The following PPP1R9A variants were observed in gnomAD, a reference collection of about 807,000 sequenced individuals.
PPP1R9A encodes the protein neurabin-1.
In PPP1R9A, 59 loss-of-function variants were observed where a neutral mutation model predicts 141.9. The observed-to-expected ratio is 0.42, with a 90% confidence interval of 0.34 to 0.52. The LOEUF (loss-of-function observed/expected upper bound fraction) is 0.52. PPP1R9A is among the 20% of genes least tolerant of loss of function. PPP1R9A has a pLI of 0.10. For missense variants in PPP1R9A, 1,444 were observed against 1,611.9 expected (o/e 0.90, Z 1.78); for synonymous variants, 500 against 569.7 (o/e 0.88, Z 1.74).
intron 4 of PPP1R9A, chr7:95,155,899 A>G (rs1424396229): frequency 6.6e-6 from 1 of 152,232 alleles, no homozygotes; most frequent in Non-Finnish European, 1.5e-5. Flanking sequence ...AGTTGAAAAT[A>G]TTAGAATTTT....
intron 2 of PPP1R9A, among the ~76,000 whole-genome samples, chr7:94,956,273 G>T (rs929960071): frequency 1.3e-5 from 2 of 151,980 alleles, no homozygotes; most frequent in African/African-American, 4.8e-5. Flanking sequence ...TCTTTTTATT[G>T]TAAACATATT....
At chr7:95,249,442 G>A (rs67465956) in intron 9 of PPP1R9A, among the ~76,000 whole-genome samples, 20,004 of 152,060 alleles carry the variant, frequency 0.13, 1,506 homozygotes, top group African/African-American at 0.18. Context: ...ATTCTGATGT[G>A]TTATATCACA....
intron 2 of PPP1R9A, among the ~76,000 whole-genome samples, chr7:94,990,581 T>C (rs563688311): frequency 4.6e-5 from 7 of 152,262 alleles, no homozygotes; most frequent in Non-Finnish European, 1.0e-4. Context: ...TCTTTCTAGC[T>C]ATATGAAACT....
intron 2 of PPP1R9A, among the ~76,000 whole-genome samples, chr7:95,101,009 C>T (rs1446280277): frequency 9.9e-5 from 15 of 151,256 alleles, no homozygotes; most frequent in African/African-American, 3.6e-4. Flanking sequence ...CCCGCTACCA[C>T]GCCCGGCTAA....
chr7:94,976,084 A>G (rs1799417277), intron 2 of PPP1R9A, among the ~76,000 whole-genome samples: 1 of 152,110 alleles, frequency 6.6e-6, no homozygotes, highest in Non-Finnish European at 1.5e-5. Context: ...GCCAGCATTG[A>G]TTAACAGAGT....
Position 95,284,113 on chromosome 7 carries a change from A to T in PPP1R9A, c.3392A>T (p.Asn1131Ile), listed in dbSNP as rs766951304. ...RSPCMPFSWF[N>I]DSRKGSYSFR... ...CCTTGCATGCCTTTCTCATGGTTTA[A>T]TGACAGCCGGAAAGGATCCTATTCC... Residue 1131 changes from asparagine (N) to isoleucine (I), a missense_variant, in exon 17 of 20, where the codon AAT (asparagine) becomes ATT (isoleucine). Coordinates refer to ENST00000433360, the MANE Select transcript of PPP1R9A (RefSeq NM_001166160.2). The T allele has an allele frequency of 1.9e-6, 3 of 1,592,612 alleles. No homozygotes were observed. In the South Asian group the frequency reaches 3.3e-5, roughly 18 times the overall value.
chr7:94,979,269 T>G (rs73425011), intron 2 of PPP1R9A, among the ~76,000 whole-genome samples: 3,796 of 152,308 alleles, frequency 0.025, 172 homozygotes, highest in African/African-American at 0.087. Flanking sequence ...CCAGATTACA[T>G]TTTTAGTTTT....
At chr7:95,116,646 G>T (rs1245503931) in intron 3 of PPP1R9A, among the ~76,000 whole-genome samples, 2 of 152,150 alleles carry the variant, frequency 1.3e-5, no homozygotes, top group African/African-American at 4.8e-5. Context: ...ACAAAGTTGG[G>T]TTGGGAGAGG....
intron 2 of PPP1R9A, among the ~76,000 whole-genome samples, chr7:94,917,475 T>A (rs999728610): frequency 6.6e-6 from 1 of 152,146 alleles, no homozygotes; most frequent in African/African-American, 2.4e-5. Context: ...GATGCAGTCA[T>A]GGCTCACTGC....
chr7:95,198,696 G>A (rs927883650), intron 6 of PPP1R9A, among the ~76,000 whole-genome samples: 1 of 151,994 alleles, frequency 6.6e-6, no homozygotes, highest in Admixed American at 6.6e-5. Context: ...TGAAGACTGT[G>A]GACACAAATA....
intron 2 of PPP1R9A, among the ~76,000 whole-genome samples, chr7:95,091,125 G>C (rs1379514691): frequency 6.6e-6 from 1 of 151,544 alleles, no homozygotes; most frequent in African/African-American, 2.4e-5. Context: ...TGTTGGACTT[G>C]ATTTTTTTTA....
chr7:95,226,850 G>A (rs1010690601), intron 8 of PPP1R9A, among the ~76,000 whole-genome samples: 3 of 152,156 alleles, frequency 2.0e-5, no homozygotes, highest in African/African-American at 7.2e-5. Flanking sequence ...GAGGAAATGT[G>A]GATAACTCTT....
chr7:95,040,487 A>T (rs190992809), intron 2 of PPP1R9A, among the ~76,000 whole-genome samples: 29 of 152,186 alleles, frequency 1.9e-4, no homozygotes, highest in African/African-American at 6.7e-4. Flanking sequence ...AAAAAAAATT[A>T]AAAATAATAC....
intron 5 of PPP1R9A, 133 bp from the exon 6 acceptor site, chr7:95,198,216 A>G: frequency 1.3e-6 from 1 of 753,950 alleles, no homozygotes; most frequent in Non-Finnish European, 1.9e-6. Context: ...CAAGAAAACC[A>G]TTTTGAAGTA....
At chr7:94,994,139 G>A (rs1801863227) in intron 2 of PPP1R9A, among the ~76,000 whole-genome samples, 1 of 151,784 alleles carries the variant, frequency 6.6e-6, no homozygotes, top group African/African-American at 2.4e-5. Flanking sequence ...TTTCATAGGT[G>A]CGATGAACAA....
chr7:94,996,514 C>T (rs1054856196), intron 2 of PPP1R9A, among the ~76,000 whole-genome samples: 3 of 152,002 alleles, frequency 2.0e-5, no homozygotes, highest in African/African-American at 7.2e-5. Flanking sequence ...ACTGATGTGG[C>T]TTTGGTGTGG....
chr7:94,984,440 G>A (rs1800536162), intron 2 of PPP1R9A, among the ~76,000 whole-genome samples: 2 of 152,070 alleles, frequency 1.3e-5, no homozygotes. Context: ...GATAGAATTT[G>A]GCTGTGAATC....
At chr7:95,089,210 C>T (rs1052811063) in intron 2 of PPP1R9A, among the ~76,000 whole-genome samples, 2 of 152,066 alleles carry the variant, frequency 1.3e-5, no homozygotes, top group East Asian at 1.9e-4. Flanking sequence ...AGCTACTTTA[C>T]AATGACTACT....
chr7:95,069,799 G>A (rs2152133137), intron 2 of PPP1R9A, among the ~76,000 whole-genome samples: 1 of 152,236 alleles, frequency 6.6e-6, no homozygotes, highest in East Asian at 1.9e-4. Context: ...CGAAGAGACA[G>A]CCAAGGGGGA....
Sources: allele counts gnomAD v4.1 joint callset (sites outside exome capture counted in the v4.1 genomes callset), GRCh38; gene constraint gnomAD v4.1.1; transcripts MANE v1.5; gene names NCBI Gene and HGNC (gene_info 2026-07-23, HGNC 2026-07-21).